Variants in TGFBR3 observed in about 807,000 individuals in gnomAD.
TGFBR3 encodes transforming growth factor beta receptor type 3.
TGFBR3 carries 46 observed loss-of-function variants against 87.9 expected under a neutral mutation model. The observed-to-expected ratio is 0.52, with a 90% CI of 0.41 to 0.67. TGFBR3 has a LOEUF of 0.67. Among genes scored for constraint, TGFBR3 ranks in the 30% least tolerant of loss-of-function variants. TGFBR3 has a pLI of 0.00. For missense variants in TGFBR3, 866 were observed against 1,041.9 expected (o/e 0.83, Z 2.32); for synonymous variants, 381 against 391.6 (o/e 0.97, Z 0.32).
intron 4 of TGFBR3, among the ~76,000 whole-genome samples, chr1:91,740,641 AG>A (rs1174700060): frequency 6.6e-5 from 10 of 152,326 alleles, no homozygotes; most frequent in South Asian, 4.1e-4. Context: ...CTGGGATTAT[AG>A]GCCTGAGCCA....
intron 2 of TGFBR3, among the ~76,000 whole-genome samples, chr1:91,808,957 G>C (rs1675933695): frequency 6.6e-6 from 1 of 152,132 alleles, no homozygotes; most frequent in African/African-American, 2.4e-5. Context: ...GAGAAAATAA[G>C]ATCTTTTTTC....
At chr1:91,794,602 A>C (rs1237236905) in intron 3 of TGFBR3, among the ~76,000 whole-genome samples, 3 of 152,122 alleles carry the variant, frequency 2.0e-5, no homozygotes, top group Non-Finnish European at 4.4e-5. Flanking sequence ...TGTCTCTATA[A>C]ATTTCTGTAT....
chr1:91,711,711 T>C (rs1363310363), intron 13 of TGFBR3, among the ~76,000 whole-genome samples: 2 of 152,220 alleles, frequency 1.3e-5, no homozygotes, highest in African/African-American at 4.8e-5. Context: ...CTTTTTGTTA[T>C]GGCAATAGAA....
At chr1:91,877,730 G>C (rs894376485) in intron 1 of TGFBR3, among the ~76,000 whole-genome samples, 1 of 152,186 alleles carries the variant, frequency 6.6e-6, no homozygotes, top group Non-Finnish European at 1.5e-5. Flanking sequence ...TCCAATGGCT[G>C]TACAGCTATT....
chr1:91,852,162 T>C (rs1208850693), intron 2 of TGFBR3, among the ~76,000 whole-genome samples: 1 of 151,864 alleles, frequency 6.6e-6, no homozygotes, highest in African/African-American at 2.4e-5. Flanking sequence ...GGTGGGAGGA[T>C]CGTTTGAGCC....
intron 4 of TGFBR3, among the ~76,000 whole-genome samples, chr1:91,754,413 A>C (rs982643039): frequency 6.6e-6 from 1 of 152,136 alleles, no homozygotes; most frequent in African/African-American, 2.4e-5. Flanking sequence ...CCACCCATAC[A>C]CCCTGCAAAA....
intron 2 of TGFBR3, among the ~76,000 whole-genome samples, chr1:91,835,346 C>T (rs1677018998): frequency 6.6e-6 from 1 of 152,128 alleles, no homozygotes; most frequent in African/African-American, 2.4e-5. Context: ...TGTAGCTCTA[C>T]AAGGAAGAAG....
At chr1:91,884,149 G>A (rs1191223872) in intron 1 of TGFBR3, among the ~76,000 whole-genome samples, 1 of 151,760 alleles carries the variant, frequency 6.6e-6, no homozygotes, top group Non-Finnish European at 1.5e-5. Context: ...GTGAAACGCC[G>A]TCTCTACTAA....
chr1:91,695,448 A>G, intron 16 of TGFBR3: 1 of 529,576 alleles, frequency 1.9e-6, no homozygotes, highest in Non-Finnish European at 3.4e-6. Context: ...AATTTCACCA[A>G]CATCACAATC....
upstream of TGFBR3, among the ~76,000 whole-genome samples, chr1:91,888,938 G>A (rs935699915): frequency 6.6e-6 from 1 of 152,002 alleles, no homozygotes; most frequent in African/African-American, 2.4e-5. Flanking sequence ...CTGGAGTGCA[G>A]TGGCGCAATC....
Position 91,719,475 on chromosome 1 carries a change from A to C in TGFBR3, c.1414-11T>G, listed in dbSNP as rs199686608. 27 of 1,613,790 alleles carry C rather than the reference A, an allele frequency of 1.7e-5. No individual in the cohort carries two copies. The highest frequency in any genetic ancestry group is 8.8e-5 in the South Asian group (8 of 91,070). On this transcript the variant is annotated splice_polypyrimidine_tract_variant and intron_variant, in intron 9 of 16. Coordinates refer to ENST00000212355, the MANE Select transcript of TGFBR3 (RefSeq NM_003243.5). ...CGAGTAGCCACTGGCCTAAAACAAC[A>C]ACCACCAAAGACATGGTTGGAGGCC...
chr1:91,861,110 T>G (rs1487573529), intron 2 of TGFBR3, among the ~76,000 whole-genome samples: 1 of 151,970 alleles, frequency 6.6e-6, no homozygotes, highest in African/African-American at 2.4e-5. Context: ...GGGACAAAAA[T>G]GTAAATACAG....
At chr1:91,792,703 C>T (rs1675238779) in intron 3 of TGFBR3, among the ~76,000 whole-genome samples, 1 of 152,190 alleles carries the variant, frequency 6.6e-6, no homozygotes, top group Non-Finnish European at 1.5e-5. Flanking sequence ...AGGAAACGCC[C>T]TGAGCAATTA....
chr1:91,816,664 T>C (rs191958882), intron 2 of TGFBR3, among the ~76,000 whole-genome samples: 248 of 152,356 alleles, frequency 1.6e-3, no homozygotes, highest in African/African-American at 5.9e-3. Context: ...TTCCCATATA[T>C]TGGGCTCAAC....
chr1:91,833,167 G>A (rs369110759), intron 2 of TGFBR3, among the ~76,000 whole-genome samples: 1 of 151,034 alleles, frequency 6.6e-6, no homozygotes, highest in East Asian at 1.9e-4. Context: ...TTGGTGGCGG[G>A]AGCCTGTAAT....
chr1:91,904,618 G>A (rs1367883281), intron 1 of TGFBR3, among the ~76,000 whole-genome samples: 5 of 147,684 alleles, frequency 3.4e-5, no homozygotes, highest in African/African-American at 1.3e-4. Context: ...AGGCTAGAGT[G>A]CAGTGGTGCA....
chr1:91,856,915 G>A (rs1468106661), intron 2 of TGFBR3, among the ~76,000 whole-genome samples: 1 of 152,168 alleles, frequency 6.6e-6, no homozygotes, highest in African/African-American at 2.4e-5. Flanking sequence ...GAGCCAAACT[G>A]CCAGGTTCAA....
At chr1:91,887,335 T>G (rs1679353131), upstream of TGFBR3, among the ~76,000 whole-genome samples, 1 of 142,126 alleles carries the variant, frequency 7.0e-6, no homozygotes, top group South Asian at 2.4e-4. Flanking sequence ...CGCTACAACC[T>G]CCGCTTCTCA....
intron 4 of TGFBR3, among the ~76,000 whole-genome samples, chr1:91,742,110 C>T (rs1042798505): frequency 2.6e-5 from 4 of 152,150 alleles, no homozygotes; most frequent in African/African-American, 9.7e-5. Context: ...GCTCCCATGG[C>T]AAACCGTTCT....
Sources: allele counts gnomAD v4.1 joint callset (sites outside exome capture counted in the v4.1 genomes callset), GRCh38; gene constraint gnomAD v4.1.1; transcripts MANE v1.5; gene names NCBI Gene and HGNC (gene_info 2026-07-23, HGNC 2026-07-21).